The following DCC variants were observed in gnomAD, a reference collection of about 807,000 sequenced individuals.
DCC encodes netrin receptor DCC.
DCC carries 58 observed loss-of-function variants against 172.5 expected under a neutral mutation model. The observed-to-expected ratio is 0.34, with a 90% CI of 0.27 to 0.42. DCC has a LOEUF of 0.42. Among genes scored for constraint, DCC ranks in the 10% least tolerant of loss-of-function variants. The probability of loss-of-function intolerance (pLI) is 1.00; values close to 1 mark genes in which losing one functional copy is unlikely to be tolerated. For synonymous variants in DCC, 709 were observed against 644.5 expected, an observed-to-expected ratio of 1.10 and a Z score of -1.52; for missense variants, 1,740 against 1,791.0, an observed-to-expected ratio of 0.97 and a Z score of 0.51.
chr18:52,477,998 T>C lies in DCC; in HGVS notation c.91+137120T>C, dbSNP rs144308797. On this transcript the variant is annotated intron_variant, in intron 1 of 28. Transcript: ENST00000442544. The stretch of plus-strand genomic sequence containing the variant: ...CTAATTTTTTTATGTTTAGTAGAGA[T>C]GAAGTCTCCCTTTGTTCCCCAGGCT... Among the ~76,000 whole-genome samples the C allele has an allele frequency of 4.1e-3, 625 of 152,038 alleles. 6 individuals are homozygous for C. Among genetic ancestry groups the C allele is most frequent in the Non-Finnish European group, 3.2e-3 (219 of 67,984 alleles).
Position 52,456,511 on chromosome 18 carries a change from A to G in DCC, c.91+115633A>G, listed in dbSNP as rs1619149. Among the ~76,000 whole-genome samples the G allele has an allele frequency of 7.3e-3, 1,119 of 152,322 alleles. 14 individuals carry two copies. Among genetic ancestry groups the G allele is most frequent in the African/African-American group, 0.026 (1,065 of 41,578 alleles). On this transcript the variant is annotated intron_variant, in intron 1 of 28. Coordinates refer to ENST00000442544, the MANE Select transcript of DCC (RefSeq NM_005215.4). ...ACTTTGTTAGTGTACCAAGTTTATC[A>G]CATATTAACATGGTTATACAATATA...
chr18:52,545,569 A>C (rs1161948397), intron 1 of DCC, among the ~76,000 whole-genome samples: 1 of 152,226 alleles, frequency 6.6e-6, no homozygotes, highest in Non-Finnish European at 1.5e-5. Context: ...ACAGTGCTTA[A>C]TGAACATTGA....
At chr18:53,206,228 T>C (rs1000689056) in intron 10 of DCC, among the ~76,000 whole-genome samples, 5 of 136,394 alleles carry the variant, frequency 3.7e-5, no homozygotes, top group East Asian at 2.1e-4. Flanking sequence ...TATATATACA[T>C]ATATGTGTTA....
At chr18:53,296,258 G>A (rs1011765026) in intron 12 of DCC, among the ~76,000 whole-genome samples, 5 of 152,006 alleles carry the variant, frequency 3.3e-5, no homozygotes, top group Admixed American at 3.3e-4. Context: ...CAATCTTTCA[G>A]TCTCTCAATC....
intron 5 of DCC, among the ~76,000 whole-genome samples, chr18:52,964,788 T>C (rs1280118325): frequency 6.6e-6 from 1 of 152,144 alleles, no homozygotes; most frequent in African/African-American, 2.4e-5. Flanking sequence ...AGGCCAGAAG[T>C]TGGAAATCAG....
At chr18:52,641,705 T>TA (rs1034127047) in intron 1 of DCC, among the ~76,000 whole-genome samples, 24 of 150,960 alleles carry the variant, frequency 1.6e-4, no homozygotes, top group East Asian at 3.9e-4. Context: ...AATCAAAAAA[T>TA]AAAAAAAACA....
At chr18:53,378,269 C>A (rs1910713) in intron 15 of DCC, among the ~76,000 whole-genome samples, 30,790 of 152,068 alleles carry the variant, frequency 0.2, 3,363 homozygotes, top group Middle Eastern at 0.34. Flanking sequence ...TTCTTTTAAA[C>A]CTCCAACACA....
At position 52,592,201 on chromosome 18, in the gene DCC, G is replaced by C. The variant is rs150577529; in HGVS notation, c.92-159853G>C. Among the ~76,000 whole-genome samples, 738 of 152,200 alleles carry C rather than the reference G, an allele frequency of 4.8e-3. 2 individuals carry two copies. Among genetic ancestry groups the C allele is most frequent in the Non-Finnish European group, 8.3e-3 (562 of 68,018 alleles). ...CCCAATATTTTCAACTCTCTTTCCA[G>C]TTCACATCTGGAATTGTAACAATAA... On this transcript the variant is annotated intron_variant, in intron 1 of 28. Coordinates refer to ENST00000442544, the MANE Select transcript of DCC (RefSeq NM_005215.4).
chr18:53,321,510 G>T (rs1418236535), intron 13 of DCC, among the ~76,000 whole-genome samples: 1 of 152,086 alleles, frequency 6.6e-6, no homozygotes, highest in African/African-American at 2.4e-5. Flanking sequence ...CATAGGGATT[G>T]ATTTTCTATA....
intron 1 of DCC, among the ~76,000 whole-genome samples, chr18:52,639,460 G>A (rs2034848085): frequency 6.6e-6 from 1 of 152,034 alleles, no homozygotes; most frequent in African/African-American, 2.4e-5. Flanking sequence ...ACCTCACTGA[G>A]AAATAAAACA....
intron 2 of DCC, among the ~76,000 whole-genome samples, chr18:52,776,740 C>T (rs1169370819): frequency 6.6e-6 from 1 of 152,100 alleles, no homozygotes; most frequent in Non-Finnish European, 1.5e-5. Flanking sequence ...ACTCAGTCTC[C>T]CTGTGACTCC....
intron 14 of DCC, among the ~76,000 whole-genome samples, chr18:53,328,316 C>T (rs2057491526): frequency 6.6e-6 from 1 of 152,104 alleles, no homozygotes; most frequent in Admixed American, 6.6e-5. Flanking sequence ...AGGTTTGGAT[C>T]CAGCTCCATT....
intron 2 of DCC, among the ~76,000 whole-genome samples, chr18:52,836,745 C>T (rs2038712909): frequency 6.6e-6 from 1 of 152,186 alleles, no homozygotes; most frequent in East Asian, 1.9e-4. Context: ...CTTCCAGGTG[C>T]ACAGTGCATG....
intron 27 of DCC, among the ~76,000 whole-genome samples, chr18:53,503,991 G>T (rs1367935946): frequency 6.6e-6 from 1 of 152,206 alleles, no homozygotes; most frequent in Non-Finnish European, 1.5e-5. Context: ...AATTGAGTTT[G>T]ATTTTCCCCG....
intron 5 of DCC, among the ~76,000 whole-genome samples, chr18:53,024,226 A>G (rs1236797079): frequency 6.6e-6 from 1 of 152,210 alleles, no homozygotes; most frequent in Non-Finnish European, 1.5e-5. Flanking sequence ...GAAGTGTTAG[A>G]TGAAAGATAT....
intron 2 of DCC, among the ~76,000 whole-genome samples, chr18:52,793,500 C>T (rs2037815136): frequency 6.6e-6 from 1 of 152,150 alleles, no homozygotes; most frequent in Non-Finnish European, 1.5e-5. Flanking sequence ...TGTTTTTTGG[C>T]TGTTGAGTTG....
At chr18:53,057,705 T>C (rs1040686092) in intron 5 of DCC, among the ~76,000 whole-genome samples, 4 of 152,106 alleles carry the variant, frequency 2.6e-5, no homozygotes, top group Admixed American at 1.3e-4. Context: ...ATGGAACAAT[T>C]TGATAAACTT....
chr18:52,898,539 G>A (rs2039764538), intron 2 of DCC, among the ~76,000 whole-genome samples: 1 of 152,170 alleles, frequency 6.6e-6, no homozygotes, highest in Non-Finnish European at 1.5e-5. Flanking sequence ...GTCTGGATCT[G>A]ATGGAAAGAT....
At chr18:53,193,113 A>C (rs1340828800) in intron 9 of DCC, among the ~76,000 whole-genome samples, 1 of 152,114 alleles carries the variant, frequency 6.6e-6, no homozygotes, top group African/African-American at 2.4e-5. Flanking sequence ...ATATCTCAAC[A>C]CTCATCTGTG....
Sources: gnomAD v4.1 joint callset for allele counts (sites outside exome capture counted in the v4.1 genomes callset) on GRCh38, gnomAD v4.1.1 for gene constraint, MANE v1.5 for transcripts, NCBI Gene and HGNC (gene_info 2026-07-23, HGNC 2026-07-21) for gene names.